The following BRINP3 variants were observed in gnomAD, a reference collection of about 807,000 sequenced individuals.
BRINP3 encodes BMP/retinoic acid-inducible neural-specific protein 3.
Under a neutral mutation model 71.0 loss-of-function variants are expected in BRINP3, and 19 were observed. The observed-to-expected ratio is 0.27, with a 90% CI of 0.19 to 0.39. The LOEUF (loss-of-function observed/expected upper bound fraction) is 0.39, where lower values mean the gene tolerates loss of function less well. Ranked by LOEUF, BRINP3 falls within the 10% of genes least tolerant of loss-of-function variation. The pLI is 1.00. For synonymous variants in BRINP3, 380 were observed against 337.7 expected, an observed-to-expected ratio of 1.13 and a Z score of -1.37; for missense variants, 959 against 940.8, an observed-to-expected ratio of 1.02 and a Z score of -0.25.
At chr1:190,183,471 T>A (rs1191535406) in intron 6 of BRINP3, among the ~76,000 whole-genome samples, 2 of 152,054 alleles carry the variant, frequency 1.3e-5, no homozygotes, top group Non-Finnish European at 2.9e-5. Flanking sequence ...AAAGGCAGGT[T>A]AGCATTGAAG....
chr1:190,263,631 C>A (rs1661390233), intron 4 of BRINP3, among the ~76,000 whole-genome samples: 2 of 150,146 alleles, frequency 1.3e-5, no homozygotes, highest in Admixed American at 1.3e-4. Context: ...GCTCTGTCGC[C>A]CAGACTGGAG....
intron 1 of BRINP3, among the ~76,000 whole-genome samples, chr1:190,473,519 TG>T (rs1469065781): frequency 6.7e-6 from 1 of 149,870 alleles, no homozygotes; most frequent in South Asian, 2.1e-4. Context: ...AGTTTTATGA[TG>T]GTGTTTTAGT....
chr1:190,446,831 G>A (rs1675250198), intron 2 of BRINP3, among the ~76,000 whole-genome samples: 1 of 151,928 alleles, frequency 6.6e-6, no homozygotes, highest in Non-Finnish European at 1.5e-5. Flanking sequence ...ATAGTCAAGA[G>A]GAAATATTTT....
intron 6 of BRINP3, among the ~76,000 whole-genome samples, chr1:190,176,030 G>T (rs1342182518): frequency 6.6e-6 from 1 of 152,102 alleles, no homozygotes; most frequent in Non-Finnish European, 1.5e-5. Flanking sequence ...GCCTCAGCCT[G>T]TAAATGATGC....
chr1:190,301,498 A>G (rs1664736800), intron 2 of BRINP3, among the ~76,000 whole-genome samples: 1 of 151,316 alleles, frequency 6.6e-6, no homozygotes. Context: ...TTCTTTCTTA[A>G]TTCCTGTTAT....
chr1:190,245,080 T>G (rs1659459826), intron 4 of BRINP3, among the ~76,000 whole-genome samples: 1 of 152,018 alleles, frequency 6.6e-6, no homozygotes, highest in African/African-American at 2.4e-5. Flanking sequence ...AGTTTTATAC[T>G]GAGGCCGTCA....
chr1:190,353,272 G>A, intron 2 of BRINP3, among the ~76,000 whole-genome samples: 1 of 151,980 alleles, frequency 6.6e-6, no homozygotes, highest in South Asian at 2.1e-4. Flanking sequence ...AGAGCCAAAA[G>A]GTTACCATCT....
rs1651361460 is a variant in BRINP3, at chr1:190,098,158, G to C, written c.2161C>G (p.Leu721Val). 4.3e-6 allele frequency: 7 copies of C among 1,614,184 alleles called. No individual in the cohort carries two copies. The East Asian group carries it at 1.6e-4, about 36-fold the overall frequency. The change falls in exon 8 of 8, where the codon CTA becomes GTA. Residue 721 changes from leucine (L) to valine (V), a missense_variant. Physicochemically the swap from Leu to Val is conservative, Grantham distance 32. Transcript: ENST00000367462. ...CGAAGCAAGCAAGAGAAAAGATCTA[G>C]ACGACGCTGACCAGGTGGGGAGAGT... ...NKLSPPGQRR[L>V]DLFSCLLRHR... is the part of the protein sequence containing the mutation.
At chr1:190,433,849 G>T (rs1270447147) in intron 2 of BRINP3, among the ~76,000 whole-genome samples, 1 of 152,046 alleles carries the variant, frequency 6.6e-6, no homozygotes, top group East Asian at 1.9e-4. Flanking sequence ...CACTTATAAA[G>T]GTGAGAAAAA....
At chr1:190,206,158 T>C (rs1297222141) in intron 6 of BRINP3, among the ~76,000 whole-genome samples, 2 of 152,000 alleles carry the variant, frequency 1.3e-5, no homozygotes, top group African/African-American at 2.4e-5. Flanking sequence ...CTTTACTACA[T>C]GACTTAAATG....
At chr1:190,136,332 T>C (rs1333461676) in intron 7 of BRINP3, among the ~76,000 whole-genome samples, 1 of 152,084 alleles carries the variant, frequency 6.6e-6, no homozygotes, top group African/African-American at 2.4e-5. Context: ...AACACATTGA[T>C]TGGGTTGATT....
intron 6 of BRINP3, among the ~76,000 whole-genome samples, chr1:190,191,683 T>A (rs1204559471): frequency 6.6e-6 from 1 of 152,134 alleles, no homozygotes; most frequent in Non-Finnish European, 1.5e-5. Context: ...TGGTTCCATG[T>A]CCTTGCTATT....
chr1:190,150,680 G>A (rs1440861685), intron 7 of BRINP3, among the ~76,000 whole-genome samples: 2 of 152,100 alleles, frequency 1.3e-5, no homozygotes, highest in African/African-American at 4.8e-5. Context: ...ATGCATTGAT[G>A]CTTCCAATAT....
intron 2 of BRINP3, among the ~76,000 whole-genome samples, chr1:190,329,443 C>T (rs114093639): frequency 0.015 from 2,241 of 151,232 alleles, 69 homozygotes; most frequent in African/African-American, 0.05. Flanking sequence ...TCTGCACACA[C>T]ACAAAAAAAA....
At chr1:190,227,055 C>A (rs905910134) in intron 5 of BRINP3, among the ~76,000 whole-genome samples, 1 of 151,616 alleles carries the variant, frequency 6.6e-6, no homozygotes, top group Admixed American at 6.6e-5. Flanking sequence ...GCATTTATTA[C>A]GATATTTCAA....
chr1:190,463,441 A>G (rs1558309352), intron 1 of BRINP3, among the ~76,000 whole-genome samples: 3 of 151,794 alleles, frequency 2.0e-5, no homozygotes, highest in African/African-American at 7.2e-5. Flanking sequence ...AACTAAAAAA[A>G]AAGGAAAAAT....
Position 190,466,980 on chromosome 1 carries a change from C to T in BRINP3, c.-51+10468G>A, listed in dbSNP as rs575308058. 2.6e-4 allele frequency among the ~76,000 whole-genome samples: 39 copies of T among 151,588 alleles called. 1 individual carries two copies. Among genetic ancestry groups the T allele is most frequent in the Admixed American group, 8.6e-4 (13 of 15,200 alleles). On this transcript the variant is annotated intron_variant, in intron 1 of 7. Coordinates refer to ENST00000367462, the MANE Select transcript of BRINP3 (RefSeq NM_199051.3). ...AAAAAACACAACGAACACAACAACA[C>T]ACAAAATGCCACTAAATCATCACTC...
At chr1:190,131,228 T>C (rs1029818011) in intron 7 of BRINP3, among the ~76,000 whole-genome samples, 3 of 151,290 alleles carry the variant, frequency 2.0e-5, no homozygotes, top group African/African-American at 7.3e-5. Flanking sequence ...AAAAACGTGC[T>C]ACCAAAAGCT....
chr1:190,215,586 A>T (rs2102665804), intron 6 of BRINP3, among the ~76,000 whole-genome samples: 1 of 152,062 alleles, frequency 6.6e-6, no homozygotes, highest in Non-Finnish European at 1.5e-5. Context: ...CTTGCAAAAC[A>T]GTTTGTAAAT....
Sources: allele counts gnomAD v4.1 joint callset (sites outside exome capture counted in the v4.1 genomes callset), GRCh38; gene constraint gnomAD v4.1.1; transcripts MANE v1.5; gene names NCBI Gene and HGNC (gene_info 2026-07-23, HGNC 2026-07-21).